Variants in UNC79 observed in about 807,000 individuals in gnomAD.
UNC79 encodes unc-79 subunit of NALCN channel complex.
Under a neutral mutation model 283.1 loss-of-function variants are expected in UNC79, and 37 were observed. That is an observed-to-expected ratio of 0.13 (90% confidence interval 0.10 to 0.17). UNC79 has a LOEUF of 0.17. Ranked by LOEUF, UNC79 falls within the 10% of genes least tolerant of loss-of-function variation. The pLI, the probability that UNC79 is intolerant of heterozygous loss-of-function variation, is 1.00. For synonymous variants in UNC79, 1,107 were observed against 1,200.2 expected (o/e 0.92, Z 1.61); for missense variants, 2,272 against 3,211.1 (o/e 0.71, Z 7.07).
chr14:93,538,717 G>C (rs1201220695), intron 12 of UNC79, among the ~76,000 whole-genome samples: 1 of 150,138 alleles, frequency 6.7e-6, no homozygotes, highest in Non-Finnish European at 1.5e-5. Flanking sequence ...TTCCATGCTG[G>C]GATAAACCAC....
At chr14:93,335,182 G>A (rs1476107362) in intron 1 of UNC79, 1 of 152,200 alleles carries the variant, frequency 6.6e-6, no homozygotes, top group Non-Finnish European at 1.5e-5. Context: ...CACAGCTGGA[G>A]ACTTCTAGTA....
chr14:93,641,313 A>G, intron 33 of UNC79, 66 bp downstream of exon 36: 2 of 1,446,928 alleles, frequency 1.4e-6, no homozygotes, highest in Non-Finnish European at 9.5e-7. Context: ...CACAGTGGTG[A>G]GAAAGTTTCA....
rs376132040 is a variant in UNC79, at chr14:93,564,708, G to A, written c.1756-7186G>A. ...GAGATAGGGGTGGGGCCGTTTTATAGGATTTGGGTAGGTAGTGGAAAATTA... is the reference window on the plus strand; with the variant it reads ...GAGATAGGGGTGGGGCCGTTTTATAAGATTTGGGTAGGTAGTGGAAAATTA... On this transcript the variant is annotated intron_variant, in intron 14 of 48. Coordinates refer to ENST00000555664, the Ensembl canonical transcript of UNC79. 1.2e-4 allele frequency among the ~76,000 whole-genome samples: 19 copies of A among 152,232 alleles called. No homozygotes were observed. The East Asian group carries it at 3.1e-3, about 25-fold the overall frequency.
rs1206661131 is a variant in UNC79, at chr14:93,613,112, A to G, written c.4041+29A>G. 3 of 1,609,948 alleles carry G rather than the reference A, an allele frequency of 1.9e-6. No individual in the cohort carries two copies. In the African/African-American group the frequency reaches 4.0e-5, roughly 22 times the overall value. On this transcript the variant is annotated intron_variant, in intron 27 of 48. Coordinates refer to ENST00000555664, the Ensembl canonical transcript of UNC79. ...AGTGTAATAACAGCTTTCAGAAGTC[A>G]CACCTTTATACTTTTAGTAGAAGCA...
intron 24 of UNC79, 135 bp downstream of exon 24, chr14:93,597,675 C>T: frequency 9.6e-7 from 1 of 1,036,488 alleles, no homozygotes; most frequent in Non-Finnish European, 1.4e-6. Flanking sequence ...TTATAAACAA[C>T]AGAAATTTAT....
At chr14:93,480,222 G>A (rs2058055227) in intron 4 of UNC79, among the ~76,000 whole-genome samples, 1 of 152,164 alleles carries the variant, frequency 6.6e-6, no homozygotes, top group East Asian at 1.9e-4. Flanking sequence ...TACAAAATTT[G>A]TGTATATTTT....
chr14:93,451,690 AT>A (rs911572785), intron 1 of UNC79, among the ~76,000 whole-genome samples: 7 of 152,058 alleles, frequency 4.6e-5, no homozygotes, highest in South Asian at 2.1e-4. Flanking sequence ...AATCCCCCAC[AT>A]TTTTTTTAGC....
chr14:93,560,500 G>A (rs546625851), intron 14 of UNC79, among the ~76,000 whole-genome samples: 1 of 152,272 alleles, frequency 6.6e-6, no homozygotes, highest in South Asian at 2.1e-4. Context: ...GCTACGGAAG[G>A]TCGTGATAGA....
At chr14:93,415,914 C>A (rs2055444102) in intron 1 of UNC79, among the ~76,000 whole-genome samples, 2 of 151,924 alleles carry the variant, frequency 1.3e-5, no homozygotes, top group Non-Finnish European at 2.9e-5. Context: ...TCTATCTTTT[C>A]TTCTTTATTA....
At chr14:93,385,424 C>A (rs991118519) in intron 1 of UNC79, among the ~76,000 whole-genome samples, 1 of 151,914 alleles carries the variant, frequency 6.6e-6, no homozygotes, top group Non-Finnish European at 1.5e-5. Flanking sequence ...TTATTCATAG[C>A]TATTGTAAAT....
At chr14:93,452,849 C>T (rs1349974584) in intron 1 of UNC79, among the ~76,000 whole-genome samples, 1 of 152,178 alleles carries the variant, frequency 6.6e-6, no homozygotes, top group East Asian at 1.9e-4. Flanking sequence ...AACACTATAA[C>T]AATGCTATTA....
chr14:93,448,311 A>G (rs1475295121), intron 1 of UNC79, among the ~76,000 whole-genome samples: 3 of 148,524 alleles, frequency 2.0e-5, no homozygotes, highest in African/African-American at 5.0e-5. Context: ...GTTAATTTTT[A>G]TTTCTGAAAT....
intron 41 of UNC79, among the ~76,000 whole-genome samples, chr14:93,674,312 A>C (rs1227813596): frequency 6.6e-6 from 1 of 152,052 alleles, no homozygotes; most frequent in Non-Finnish European, 1.5e-5. Context: ...CAGCATAGAG[A>C]GGTTGACTGG....
At chr14:93,572,946 C>T in intron 16 of UNC79, 130 bp downstream of exon 16, 1 of 1,181,858 alleles carries the variant, frequency 8.5e-7, no homozygotes, top group East Asian at 2.4e-5. Flanking sequence ...GAAAGTGTAT[C>T]TCCTATGCAT....
chr14:93,501,428 G>A (rs971687095), intron 7 of UNC79, among the ~76,000 whole-genome samples: 3 of 151,954 alleles, frequency 2.0e-5, no homozygotes, highest in East Asian at 3.9e-4. Context: ...AGTGGCTCAC[G>A]CCTGTAATCC....
In UNC79 at chr14:93,621,873, G is replaced by A. The variant is rs750156780; in HGVS notation, c.4640G>A (p.Arg1547His). The A allele has an allele frequency of 4.3e-6, 7 of 1,614,070 alleles. No individual in the cohort carries two copies. The highest frequency in any genetic ancestry group is 1.3e-5 in the African/African-American group (1 of 75,004). ...GCACAAAGACCAAACGACCCTGGAC[G>A]TTCTAGACAGAACTCTGCTACGAGG... Residue 1547 changes from arginine to histidine, a missense_variant, in exon 30 of 49, where the codon CGT (arginine) becomes CAT (histidine). This residue lies in a region of UNC79 where 580 missense variants were observed against 632.2 expected (regional missense o/e 0.92). Coordinates refer to ENST00000555664, the Ensembl canonical transcript of UNC79. The surrounding 1 kb of genome is among the most constrained non-coding windows in gnomAD (Gnocchi z 4.8).
chr14:93,574,997 G>A, intron 16 of UNC79, 61 bp from the exon 17 acceptor site: 1 of 1,553,992 alleles, frequency 6.4e-7, no homozygotes, highest in Non-Finnish European at 8.7e-7. Context: ...GTTAAATATA[G>A]CTTTTTTGAG....
intron 16 of UNC79, among the ~76,000 whole-genome samples, chr14:93,573,446 C>G (rs1386230109): frequency 6.6e-6 from 1 of 152,180 alleles, no homozygotes; most frequent in Non-Finnish European, 1.5e-5. Context: ...TCTTCATCCT[C>G]TCCTCCTAGA....
At chr14:93,629,935 G>A (rs1050645524) in intron 30 of UNC79, among the ~76,000 whole-genome samples, 8 of 152,194 alleles carry the variant, frequency 5.3e-5, no homozygotes, top group Non-Finnish European at 1.2e-4. Context: ...TGGCAACAAG[G>A]TTTGGAAAGA....
Sources: gnomAD v4.1 joint callset for allele counts (sites outside exome capture counted in the v4.1 genomes callset) on GRCh38, gnomAD v4.1.1 for gene constraint, gnomAD v4.1.1 regional missense constraint, Gnocchi (gnomAD v3.1) non-coding constraint, MANE v1.5 for transcripts, NCBI Gene and HGNC (gene_info 2026-07-23, HGNC 2026-07-21) for gene names.